CACNB4: variants seen among roughly 807,000 people sequenced by gnomAD.
The protein encoded by CACNB4 is voltage-dependent L-type calcium channel subunit beta-4.
Under a neutral mutation model 71.2 loss-of-function variants are expected in CACNB4, and 32 were observed. The ratio of observed to expected loss-of-function variants is 0.45; its 90% CI spans 0.34 to 0.60. The LOEUF is 0.60. CACNB4 is among the 20% of genes least tolerant of loss of function. CACNB4 has a pLI of 0.01. For missense variants in CACNB4, 464 were observed against 647.9 expected (o/e 0.72, Z 3.08); for synonymous variants, 231 against 236.9 (o/e 0.97, Z 0.23).
rs141769479 is a variant in CACNB4, at chr2:151,894,100, G to A, written c.148-10730C>T. 2.5e-3 allele frequency among the ~76,000 whole-genome samples: 385 copies of A among 152,302 alleles called. 4 individuals carry two copies. Among genetic ancestry groups the A allele is most frequent in the African/African-American group, 9.0e-3 (372 of 41,546 alleles). On this transcript the variant is annotated intron_variant, in intron 2 of 13. Transcript: ENST00000539935. ...TACCTCAGCTTAGGAGTTCAAGGCTGTAGTGAGCTATGATCATGCCACTGC... is the reference window on the plus strand; with the variant it reads ...TACCTCAGCTTAGGAGTTCAAGGCTATAGTGAGCTATGATCATGCCACTGC...
At chr2:151,909,565 C>T (rs2099855680) in intron 2 of CACNB4, among the ~76,000 whole-genome samples, 1 of 152,106 alleles carries the variant, frequency 6.6e-6, no homozygotes, top group African/African-American at 2.4e-5. Flanking sequence ...AAGATCCCTC[C>T]CCTCACTCCC....
intron 2 of CACNB4, among the ~76,000 whole-genome samples, chr2:152,017,895 T>C (rs941259199): frequency 3.3e-5 from 5 of 151,302 alleles, no homozygotes; most frequent in African/African-American, 1.2e-4. Context: ...TGCAATGGCA[T>C]GGTCTTGGCT....
At chr2:152,020,141 T>C (rs952911845) in intron 2 of CACNB4, among the ~76,000 whole-genome samples, 3 of 152,248 alleles carry the variant, frequency 2.0e-5, no homozygotes, top group African/African-American at 7.2e-5. Context: ...TTGTGGGCTC[T>C]ACCCTTTAGG....
At chr2:151,941,912 GA>G (rs1007432531) in intron 2 of CACNB4, among the ~76,000 whole-genome samples, 2 of 152,036 alleles carry the variant, frequency 1.3e-5, no homozygotes, top group South Asian at 2.1e-4. Context: ...AATAAAAAAT[GA>G]AAAAAAGAGA....
Position 151,841,970 on chromosome 2 carries a change from G to A in CACNB4, c.1235C>T (p.Pro412Leu), listed in dbSNP as rs758335093. Residue 412 changes from proline to leucine, a missense_variant, in exon 13 of 14, where the codon CCG (proline) becomes CTG (leucine). By Grantham distance (98) the Pro-to-Leu change is moderately conservative (BLOSUM62 -3). Transcript: ENST00000539935. Reference protein sequence around the residue: ...THTTSSTPMTPLLGRNLGSTA... With the variant: ...THTTSSTPMTLLLGRNLGSTA... ...GGAGCCCAAATTCCTTCCCAGCAGC[G>A]GGGTCATGGGTGTGCTACTGGTTGT... 9 of 1,613,850 alleles carry A rather than the reference G, an allele frequency of 5.6e-6. No homozygotes were observed. The highest frequency in any genetic ancestry group is 4.4e-5 in the South Asian group (4 of 91,080).
intron 2 of CACNB4, among the ~76,000 whole-genome samples, chr2:151,913,495 G>C (rs1168384444): frequency 6.6e-6 from 1 of 152,118 alleles, no homozygotes; most frequent in Non-Finnish European, 1.5e-5. Flanking sequence ...GCCAGGTGTG[G>C]TGGCTCACGC....
Position 151,920,318 on chromosome 2 carries a change from CTTTTTT to C in CACNB4, c.148-36954_148-36949del, listed in dbSNP as rs10574154. Among the ~76,000 whole-genome samples, 9 of 66,102 alleles carry C rather than the reference CTTTTTT, an allele frequency of 1.4e-4. No homozygotes were observed. In the South Asian group the frequency reaches 5.3e-3, roughly 39 times the overall value. 43.4% of individuals were successfully genotyped at this position (66,102 alleles called of 152,430 possible). A position where few individuals can be genotyped will look rare whatever the true frequency, so the allele number is the denominator to read the frequency against. On this transcript the variant is annotated intron_variant, in intron 2 of 13. Transcript: ENST00000539935. Reference sequence around the variant, plus strand: ...AGAGTCTTTTCTTCTTCTTCTTCTTCTTTTTTTTTTTTTTTTTTTTTGAGACAGGTT... The same window carrying C: ...AGAGTCTTTTCTTCTTCTTCTTCTTCTTTTTTTTTTTTTTTGAGACAGGTT...
intron 2 of CACNB4, among the ~76,000 whole-genome samples, chr2:151,960,749 T>C (rs753277987): frequency 7.9e-5 from 12 of 152,206 alleles, no homozygotes; most frequent in African/African-American, 1.2e-4. Context: ...CTTCCACATT[T>C]TGTAAGTCTT....
At chr2:152,016,872 T>C (rs2105098343) in intron 2 of CACNB4, among the ~76,000 whole-genome samples, 2 of 152,258 alleles carry the variant, frequency 1.3e-5, no homozygotes, top group East Asian at 1.9e-4. Flanking sequence ...TATTTTTCTA[T>C]ATTAATGCAA....
chr2:152,052,811 C>T (rs1341871970), intron 2 of CACNB4, among the ~76,000 whole-genome samples: 1 of 151,884 alleles, frequency 6.6e-6, no homozygotes, highest in Non-Finnish European at 1.5e-5. Context: ...AACCCCATCT[C>T]TACTAAAAAT....
At chr2:151,912,907 C>G (rs1374589584) in intron 2 of CACNB4, among the ~76,000 whole-genome samples, 5 of 149,384 alleles carry the variant, frequency 3.3e-5, no homozygotes, top group African/African-American at 1.3e-4. Context: ...GAATTGTTCC[C>G]TTTACCATTA....
In CACNB4 at chr2:151,833,072, AAAAT is replaced by A. The variant is rs554255920; in HGVS notation, c.*6043_*6046del. 8.5e-5 allele frequency: 13 copies of A among 152,300 alleles called. 1 individual carries two copies. The highest frequency in any genetic ancestry group is 6.5e-4 in the Admixed American group (10 of 15,306). 9.4% of individuals were successfully genotyped at this position (152,300 alleles called of 1,614,324 possible). A position where few individuals can be genotyped will look rare whatever the true frequency, so the allele number is the denominator to read the frequency against. The stretch of plus-strand genomic sequence containing the variant: ...GAAAAATAAAAGGGGACAAATTATT[AAAAT>A]AAATAACTAAAATTTAAAGAAAGAA... On this transcript the variant is annotated 3_prime_UTR_variant, in exon 14 of 14. Transcript: ENST00000539935.
At chr2:151,918,794 G>A (rs12471646) in intron 2 of CACNB4, among the ~76,000 whole-genome samples, 71,068 of 152,036 alleles carry the variant, frequency 0.47, 20,697 homozygotes, top group Non-Finnish European at 0.65. Context: ...GCAACCCCTC[G>A]CACATAGGCA....
At chr2:151,871,195 T>A (rs2099844540) in intron 6 of CACNB4, 1 of 303,154 alleles carries the variant, frequency 3.3e-6, no homozygotes, top group Non-Finnish European at 6.1e-6. Context: ...CAGCACAGTG[T>A]TGCTGGGAAC....
intron 3 of CACNB4, chr2:151,882,931 C>A: frequency 2.7e-6 from 1 of 373,454 alleles, no homozygotes; most frequent in Non-Finnish European, 5.1e-6. Flanking sequence ...GAGGAGGGGC[C>A]AGGAATAGGC....
intron 2 of CACNB4, among the ~76,000 whole-genome samples, chr2:151,960,454 C>T (rs2099869378): frequency 6.6e-6 from 1 of 152,158 alleles, no homozygotes; most frequent in Non-Finnish European, 1.5e-5. Flanking sequence ...CCGAGTTCGC[C>T]TTATCTTAAG....
At position 151,833,283 on chromosome 2, in the gene CACNB4, C is replaced by T. The variant is rs750059691; in HGVS notation, c.*5836G>A. 6.6e-6 allele frequency: 1 copy of T among 152,052 alleles called. No individual in the cohort carries two copies. Among genetic ancestry groups the T allele is most frequent in the African/African-American group, 2.4e-5 (1 of 41,426 alleles). The allele number at this position is 152,052 out of a possible 1,614,324, so 9.4% of individuals were successfully genotyped here. ...TTTTTATTCCTTCCCACCATCCCTA[C>T]AAAAACACAGCTAATGGCTTTAACT... On this transcript the variant is annotated 3_prime_UTR_variant, in exon 14 of 14. Transcript: ENST00000539935.
At chr2:152,024,474 G>C (rs555139835) in intron 2 of CACNB4, among the ~76,000 whole-genome samples, 2 of 152,280 alleles carry the variant, frequency 1.3e-5, no homozygotes, top group Non-Finnish European at 2.9e-5. Flanking sequence ...TATTTAAGTA[G>C]CTTCCATAAA....
At chr2:151,890,073 A>G (rs1162035852) in intron 2 of CACNB4, among the ~76,000 whole-genome samples, 1 of 151,934 alleles carries the variant, frequency 6.6e-6, no homozygotes, top group East Asian at 1.9e-4. Context: ...CTTAATCCAG[A>G]GCGCTTGATA....
Sources: allele counts gnomAD v4.1 joint callset (sites outside exome capture counted in the v4.1 genomes callset), GRCh38; gene constraint gnomAD v4.1.1; transcripts MANE v1.5; gene names NCBI Gene and HGNC (gene_info 2026-07-23, HGNC 2026-07-21).